The following LSM12 variants were observed in gnomAD, a reference collection of about 807,000 sequenced individuals.
The protein encoded by LSM12 is protein LSM12.
For synonymous variants in LSM12, 74 were observed against 87.3 expected, an observed-to-expected ratio of 0.85 and a Z score of 0.85; for missense variants, 108 against 238.9, an observed-to-expected ratio of 0.45 and a Z score of 3.61.
intron 2 of LSM12, among the ~76,000 whole-genome samples, chr17:44,063,532 C>T (rs2049827573): frequency 1.3e-5 from 2 of 152,168 alleles, no homozygotes; most frequent in South Asian, 2.1e-4. Context: ...ATTAGTTCAT[C>T]ATGAACTCCA....
chr17:44,065,048 G>C (rs1355017090), intron 1 of LSM12, among the ~76,000 whole-genome samples: 1 of 151,832 alleles, frequency 6.6e-6, no homozygotes, highest in East Asian at 1.9e-4. Context: ...CAGAAGAATC[G>C]CTTGAATCCG....
At chr17:44,064,687 G>A (rs2049846190) in intron 1 of LSM12, among the ~76,000 whole-genome samples, 2 of 149,870 alleles carry the variant, frequency 1.3e-5, no homozygotes, top group Admixed American at 1.3e-4. Flanking sequence ...GAGCCGAGAT[G>A]GTGCCACTGC....
At chr17:44,051,241 C>T (rs921645926) in intron 2 of LSM12, among the ~76,000 whole-genome samples, 1 of 152,030 alleles carries the variant, frequency 6.6e-6, no homozygotes, top group African/African-American at 2.4e-5. Context: ...CCCGTCTCTA[C>T]TAAAAATTAG....
chr17:44,058,895 G>C (rs2049757622), intron 2 of LSM12, among the ~76,000 whole-genome samples: 1 of 152,142 alleles, frequency 6.6e-6, no homozygotes, highest in African/African-American at 2.4e-5. Context: ...AGCTACTTGG[G>C]AGGCGAGGTG....
In LSM12 at chr17:44,041,333, AAAC is replaced by A. The variant is rs2049491062; in HGVS notation, c.259-1080_259-1078del. On this transcript the variant is annotated intron_variant, in intron 2 of 4. Transcript: ENST00000293406. Reference sequence around the variant, plus strand: ...CACACACACACACACACACACACACAAACACACACACACACACAGAATTTCCAT... The same window carrying A: ...CACACACACACACACACACACACACAACACACACACACACAGAATTTCCAT... 2.6e-3 allele frequency among the ~76,000 whole-genome samples: 328 copies of A among 127,294 alleles called. 1 individual carries two copies. The highest frequency in any genetic ancestry group is 4.0e-3 in the Non-Finnish European group (249 of 62,984). The allele number at this position is 127,294 out of a possible 152,430, so 83.5% of individuals were successfully genotyped here. A position where few individuals can be genotyped will look rare whatever the true frequency, so the allele number is the denominator to read the frequency against.
chr17:44,041,749 C>T (rs1853321907), intron 2 of LSM12, among the ~76,000 whole-genome samples: 1 of 152,194 alleles, frequency 6.6e-6, no homozygotes, highest in Admixed American at 6.5e-5. Flanking sequence ...GATCCCTACC[C>T]CACACTACTG....
chr17:44,037,886 T>G (rs2049435659), intron 3 of LSM12, among the ~76,000 whole-genome samples: 1 of 152,192 alleles, frequency 6.6e-6, no homozygotes, highest in Admixed American at 6.5e-5. Context: ...AAGGGTCTTG[T>G]AACAAACATT....
chr17:44,063,942 GA>G lies in LSM12; in HGVS notation c.125-9del, dbSNP rs373983060. 1.7e-3 allele frequency: 2,510 copies of G among 1,484,598 alleles called. 13 individuals are homozygous for G. The African/African-American group carries it at 0.021, about 12-fold the overall frequency. The allele number at this position is 1,484,598 out of a possible 1,614,324, so 92.0% of individuals were successfully genotyped here. A position where few individuals can be genotyped will look rare whatever the true frequency, so the allele number is the denominator to read the frequency against. On this transcript the variant is annotated splice_polypyrimidine_tract_variant and intron_variant, in intron 1 of 4. Transcript: ENST00000293406. The stretch of plus-strand genomic sequence containing the variant: ...CACTGGAAGAGGGACATTCTGGTGA[GA>G]AAAAAAAAAGTTAAGGAAAAATAGG...
At chr17:44,040,348 A>G in intron 2 of LSM12, 92 bp from the exon 3 acceptor site, 1 of 930,490 alleles carries the variant, frequency 1.1e-6, no homozygotes, top group Non-Finnish European at 1.7e-6. Flanking sequence ...GAGGCCAGGA[A>G]AGACTTGTTT....
intron 1 of LSM12, among the ~76,000 whole-genome samples, chr17:44,064,497 C>T (rs1198352763): frequency 6.6e-6 from 1 of 152,118 alleles, no homozygotes; most frequent in Non-Finnish European, 1.5e-5. Flanking sequence ...CTTTGGGAGG[C>T]TGAGGCGGGC....
chr17:44,053,923 C>A (rs1014056735), intron 2 of LSM12, among the ~76,000 whole-genome samples: 1 of 152,142 alleles, frequency 6.6e-6, no homozygotes, highest in Admixed American at 6.6e-5. Flanking sequence ...GAATACTGTT[C>A]TCTTAATACT....
intron 2 of LSM12, among the ~76,000 whole-genome samples, chr17:44,056,798 A>G (rs1015405227): frequency 1.3e-5 from 2 of 152,118 alleles, no homozygotes; most frequent in African/African-American, 4.8e-5. Context: ...GTTCAAGAAC[A>G]GTCTGACCAA....
Position 44,066,397 on chromosome 17 carries a change from T to G in LSM12, c.124+67A>C. Reference sequence around the variant, plus strand: ...GAGAGAGCCCCAGCCGCCGCCGTCGTCCCCCACCCCCCGACCACCGCACCT... The same window carrying G: ...GAGAGAGCCCCAGCCGCCGCCGTCGGCCCCCACCCCCCGACCACCGCACCT... On this transcript the variant is annotated intron_variant, in intron 1 of 4. Transcript: ENST00000293406. 2.7e-6 allele frequency: 4 copies of G among 1,494,956 alleles called. No homozygotes were observed. In the South Asian group the frequency reaches 5.0e-5, roughly 19 times the overall value. 92.6% of individuals were successfully genotyped at this position (1,494,956 alleles called of 1,614,324 possible). A position where few individuals can be genotyped will look rare whatever the true frequency, so the allele number is the denominator to read the frequency against.
chr17:44,060,732 A>C (rs2144111107), intron 2 of LSM12, among the ~76,000 whole-genome samples: 1 of 152,318 alleles, frequency 6.6e-6, no homozygotes, highest in East Asian at 1.9e-4. Flanking sequence ...AATGCTAGTA[A>C]ACAAGGAAAA....
At chr17:44,062,199 G>A (rs1185323023) in intron 2 of LSM12, among the ~76,000 whole-genome samples, 1 of 139,874 alleles carries the variant, frequency 7.1e-6, no homozygotes, top group African/African-American at 2.6e-5. Flanking sequence ...TCCAGCCTGG[G>A]CGACAAAGCG....
At chr17:44,055,943 C>T (rs952159469) in intron 2 of LSM12, among the ~76,000 whole-genome samples, 1 of 151,462 alleles carries the variant, frequency 6.6e-6, no homozygotes, top group Non-Finnish European at 1.5e-5. Context: ...AGAATAAAAA[C>T]GAATTCTTCC....
chr17:44,041,308 CACACACACACACACACACACACACAA>C (rs1362967624), intron 2 of LSM12, among the ~76,000 whole-genome samples: 3 of 142,478 alleles, frequency 2.1e-5, no homozygotes, highest in Non-Finnish European at 3.0e-5. Flanking sequence ...CACACACACA[CACACACACACACACACACACACACAA>C]ACACACACAC....
chr17:44,041,316 CACACACACACACACACAA>C (rs1567955856), intron 2 of LSM12, among the ~76,000 whole-genome samples: 6 of 145,530 alleles, frequency 4.1e-5, no homozygotes, highest in South Asian at 2.2e-4. Context: ...CACACACACA[CACACACACACACACACAA>C]ACACACACAC....
rs532362853 is a variant in LSM12, at chr17:44,063,864, T to C, written c.195A>G (p.Glu65=). The part of the protein sequence containing the change: ...ILLINLQYVS[E]VEIINDRTET... ...CTGTTCGGTCATTAATTATTTCCAC[T>C]TCTGAAACATACTGTAAGTTTATGA... Residue 65 remains glutamate (E), a synonymous_variant, in exon 2 of 5, where the codon GAA becomes GAG. Transcript: ENST00000293406. The C allele has an allele frequency of 1.2e-6, 2 of 1,614,086 alleles. 1 individual carries two copies. The highest frequency in any genetic ancestry group is 2.7e-5 in the African/African-American group (2 of 75,020).
Sources: gnomAD v4.1 joint callset for allele counts (sites outside exome capture counted in the v4.1 genomes callset) on GRCh38, gnomAD v4.1.1 for gene constraint, MANE v1.5 for transcripts, NCBI Gene and HGNC (gene_info 2026-07-23, HGNC 2026-07-21) for gene names.